MYO3B: variants seen among roughly 807,000 people sequenced by gnomAD.
MYO3B encodes the protein myosin IIIB.
Under a neutral mutation model 174.6 loss-of-function variants are expected in MYO3B, and 156 were observed. The observed-to-expected ratio is 0.89, with a 90% CI of 0.78 to 1.02. MYO3B has a LOEUF of 1.02. MYO3B is among the 50% of genes least tolerant of loss of function. MYO3B has a pLI of 0.00. For missense variants in MYO3B, 1,632 were observed against 1,639.4 expected (o/e 1.00, Z 0.08); for synonymous variants, 563 against 569.1 (o/e 0.99, Z 0.15).
chr2:170,631,643 G>A (rs1468659144), intron 32 of MYO3B, among the ~76,000 whole-genome samples: 1 of 151,944 alleles, frequency 6.6e-6, no homozygotes, highest in East Asian at 1.9e-4. Flanking sequence ...AATGTTAAGG[G>A]CAGCCAGAGA....
At chr2:170,615,813 C>A (rs1695429140) in intron 32 of MYO3B, among the ~76,000 whole-genome samples, 1 of 152,132 alleles carries the variant, frequency 6.6e-6, no homozygotes, top group African/African-American at 2.4e-5. Context: ...GCCAACAATG[C>A]ACTGGATATA....
intron 7 of MYO3B, among the ~76,000 whole-genome samples, chr2:170,279,096 G>T (rs1346409652): frequency 1.3e-5 from 2 of 152,068 alleles, no homozygotes; most frequent in African/African-American, 2.4e-5. Context: ...AAACATGGGG[G>T]TGCATGTATC....
chr2:170,289,339 G>T (rs1203452334), intron 7 of MYO3B, among the ~76,000 whole-genome samples: 1 of 152,078 alleles, frequency 6.6e-6, no homozygotes, highest in Non-Finnish European at 1.5e-5. Context: ...AAACCATCAG[G>T]TGCTGGACTT....
chr2:170,619,157 G>A (rs1230592509), intron 32 of MYO3B, among the ~76,000 whole-genome samples: 2 of 152,100 alleles, frequency 1.3e-5, no homozygotes, highest in Admixed American at 1.3e-4. Flanking sequence ...ATATGGACAG[G>A]CGCCCCACCC....
At chr2:170,236,503 A>G (rs2093072166) in intron 7 of MYO3B, among the ~76,000 whole-genome samples, 2 of 152,336 alleles carry the variant, frequency 1.3e-5, no homozygotes, top group East Asian at 1.9e-4. Flanking sequence ...GTATTCAGTG[A>G]AAACATATGT....
chr2:170,610,432 T>C (rs1311250651), intron 32 of MYO3B, among the ~76,000 whole-genome samples: 9 of 152,348 alleles, frequency 5.9e-5, no homozygotes, highest in East Asian at 1.9e-4. Context: ...GAGATCCTTA[T>C]GTTTACATAG....
intron 25 of MYO3B, among the ~76,000 whole-genome samples, chr2:170,484,843 T>G (rs944581056): frequency 5.3e-5 from 8 of 152,140 alleles, no homozygotes; most frequent in African/African-American, 1.9e-4. Flanking sequence ...AAGATAGAAC[T>G]TAATCTAAAT....
intron 32 of MYO3B, among the ~76,000 whole-genome samples, chr2:170,548,508 C>T (rs1056056230): frequency 6.6e-6 from 1 of 152,058 alleles, no homozygotes; most frequent in Non-Finnish European, 1.5e-5. Context: ...GGTTTAGTCT[C>T]AGTGAAATGG....
chr2:170,396,901 A>G (rs76474275), intron 16 of MYO3B, among the ~76,000 whole-genome samples: 5,008 of 152,236 alleles, frequency 0.033, 281 homozygotes, highest in African/African-American at 0.11. Context: ...AAGAGTACTG[A>G]GAGTTTCAGA....
intron 1 of MYO3B, among the ~76,000 whole-genome samples, chr2:170,190,168 TTC>T (rs2092522043): frequency 1.3e-5 from 2 of 152,200 alleles, no homozygotes; most frequent in South Asian, 4.1e-4. Context: ...GAGATTCCTG[TTC>T]TCTTTCCTTA....
chr2:170,471,627 G>C (rs1164077581), intron 25 of MYO3B, among the ~76,000 whole-genome samples: 1 of 152,124 alleles, frequency 6.6e-6, no homozygotes, highest in Non-Finnish European at 1.5e-5. Context: ...ATATCCAGCA[G>C]TTTCAACACC....
intron 22 of MYO3B, among the ~76,000 whole-genome samples, chr2:170,429,472 A>G (rs1270762616): frequency 6.6e-6 from 1 of 152,156 alleles, no homozygotes; most frequent in Non-Finnish European, 1.5e-5. Context: ...CTTCTTCCCC[A>G]TATTTTCTTC....
chr2:170,530,348 C>T (rs537521869), intron 30 of MYO3B, among the ~76,000 whole-genome samples: 4 of 152,340 alleles, frequency 2.6e-5, no homozygotes, highest in African/African-American at 4.8e-5. Flanking sequence ...TGGCCTTCCT[C>T]GCTCTGATCC....
At chr2:170,181,555 A>T (rs2092398599) in intron 1 of MYO3B, among the ~76,000 whole-genome samples, 1 of 152,148 alleles carries the variant, frequency 6.6e-6, no homozygotes, top group Admixed American at 6.5e-5. Flanking sequence ...TGTGGTGTTA[A>T]CTTCAGGTTT....
chr2:170,567,974 A>C (rs1302080545), intron 32 of MYO3B, among the ~76,000 whole-genome samples: 1 of 152,234 alleles, frequency 6.6e-6, no homozygotes, highest in Non-Finnish European at 1.5e-5. Context: ...GCAAGGTGCC[A>C]AGGTGCACTG....
intron 3 of MYO3B, among the ~76,000 whole-genome samples, chr2:170,208,578 G>A (rs1276073050): frequency 6.6e-6 from 1 of 152,156 alleles, no homozygotes; most frequent in Non-Finnish European, 1.5e-5. Context: ...TTTCTAAGCT[G>A]CAGCTGGAGA....
intron 7 of MYO3B, among the ~76,000 whole-genome samples, chr2:170,322,038 C>T (rs1242116004): frequency 1.3e-5 from 2 of 149,460 alleles, no homozygotes; most frequent in African/African-American, 2.5e-5. Flanking sequence ...TGCTTGAACC[C>T]GGGAGGTGGA....
intron 6 of MYO3B, among the ~76,000 whole-genome samples, chr2:170,226,761 C>T (rs149999229): frequency 6.6e-6 from 1 of 152,158 alleles, no homozygotes; most frequent in Admixed American, 6.5e-5. Flanking sequence ...CACATCCCCT[C>T]CGAGTGCTGA....
chr2:170,304,106 A>G (rs2093684069), intron 7 of MYO3B, among the ~76,000 whole-genome samples: 1 of 152,112 alleles, frequency 6.6e-6, no homozygotes, highest in South Asian at 2.1e-4. Flanking sequence ...GTATATTTGT[A>G]TATCTATGTA....
Sources: allele counts gnomAD v4.1 joint callset (sites outside exome capture counted in the v4.1 genomes callset), GRCh38; gene constraint gnomAD v4.1.1; transcripts MANE v1.5; gene names NCBI Gene and HGNC (gene_info 2026-07-23, HGNC 2026-07-21).